Variants in RGS8 observed in about 807,000 individuals in gnomAD.
RGS8 encodes the protein regulator of G-protein signaling 8.
A neutral mutation model predicts 21.7 loss-of-function variants in RGS8; 8 were observed. The observed-to-expected ratio is 0.37, with a 90% confidence interval of 0.22 to 0.66. RGS8 has a LOEUF of 0.66. RGS8 is among the 30% of genes least tolerant of loss of function. The pLI, the probability that RGS8 is intolerant of heterozygous loss-of-function variation, is 0.59. For missense variants in RGS8, 157 were observed against 217.9 expected, an observed-to-expected ratio of 0.72 and a Z score of 1.76; for synonymous variants, 80 against 83.6, an observed-to-expected ratio of 0.96 and a Z score of 0.24.
the RGS8 span, among the ~76,000 whole-genome samples, chr1:182,741,004 T>C: frequency 3.9e-5 from 6 of 151,982 alleles, no homozygotes; most frequent in African/African-American, 1.2e-4. Context: ...TTTCCCCACC[T>C]TTCCCCCCTT....
At chr1:182,661,702 T>C (rs940495146) in intron 5 of RGS8, among the ~76,000 whole-genome samples, 4 of 152,172 alleles carry the variant, frequency 2.6e-5, no homozygotes, top group Non-Finnish European at 5.9e-5. Flanking sequence ...CATGATTTTA[T>C]GCCTGTTTCC....
chr1:182,732,272 T>TACACACAC, the RGS8 span, among the ~76,000 whole-genome samples: 1,306 of 132,560 alleles, frequency 9.9e-3, 11 homozygotes, highest in African/African-American at 0.019. Context: ...CTCTCTCTCA[T>TACACACAC]ACACACACAC....
intron 2 of RGS8, 93 bp downstream of exon 3, chr1:182,671,564 T>C (rs1286951406): frequency 7.5e-6 from 8 of 1,065,992 alleles, no homozygotes; most frequent in Non-Finnish European, 1.2e-5. Context: ...GCAATCAATA[T>C]GCATGAAGAG....
upstream of RGS8, among the ~76,000 whole-genome samples, chr1:182,688,803 A>C (rs1428467609): frequency 6.6e-6 from 1 of 152,220 alleles, no homozygotes; most frequent in East Asian, 1.9e-4. Flanking sequence ...AACCCAGCTG[A>C]AGTTCATCAA....
At chr1:182,646,997 T>G (rs1412001223) in intron 6 of RGS8, 80 bp from the exon 8 acceptor site, 1 of 1,185,066 alleles carries the variant, frequency 8.4e-7, no homozygotes, top group Non-Finnish European at 1.2e-6. Flanking sequence ...TATGCAATAA[T>G]TATGAATGAC....
At chr1:182,724,246 A>G in the RGS8 span, among the ~76,000 whole-genome samples, 2 of 107,118 alleles carry the variant, frequency 1.9e-5, no homozygotes, top group Non-Finnish European at 3.8e-5. Context: ...ATATATATAT[A>G]TCCTATTATT....
the RGS8 span, among the ~76,000 whole-genome samples, chr1:182,715,144 A>G: frequency 5.3e-5 from 8 of 152,346 alleles, no homozygotes; most frequent in South Asian, 1.4e-3. Flanking sequence ...TGGCTTACCC[A>G]TCAATAATAT....
chr1:182,741,010 C>T, the RGS8 span, among the ~76,000 whole-genome samples: 2 of 152,018 alleles, frequency 1.3e-5, no homozygotes, highest in Admixed American at 1.3e-4. Context: ...CACCTTTCCC[C>T]CCTTTCTATT....
chr1:182,751,980 C>T, the RGS8 span, among the ~76,000 whole-genome samples: 4 of 152,194 alleles, frequency 2.6e-5, no homozygotes, highest in Non-Finnish European at 5.9e-5. Flanking sequence ...ACAGGCGCCG[C>T]GGTTCCTATT....
the RGS8 span, among the ~76,000 whole-genome samples, chr1:182,737,400 C>A: frequency 3.3e-5 from 5 of 152,124 alleles, no homozygotes; most frequent in Non-Finnish European, 7.3e-5. Flanking sequence ...GAAATCTCAT[C>A]TCGAACTGTA....
the RGS8 span, among the ~76,000 whole-genome samples, chr1:182,703,883 T>A: frequency 2.0e-5 from 3 of 152,320 alleles, no homozygotes; most frequent in East Asian, 5.8e-4. Context: ...AACCACAAAT[T>A]TTATTATTCG....
chr1:182,747,450 G>A, the RGS8 span, among the ~76,000 whole-genome samples: 1 of 152,162 alleles, frequency 6.6e-6, no homozygotes, highest in African/African-American at 2.4e-5. Flanking sequence ...TGTAACATAA[G>A]GGGTAGAACT....
chr1:182,745,717 C>T, the RGS8 span, among the ~76,000 whole-genome samples: 5 of 152,264 alleles, frequency 3.3e-5, no homozygotes, highest in Admixed American at 1.3e-4. Context: ...AGTTAAACCA[C>T]GAACTAAGTT....
At chr1:182,739,648 G>A in the RGS8 span, among the ~76,000 whole-genome samples, 1 of 152,108 alleles carries the variant, frequency 6.6e-6, no homozygotes, top group African/African-American at 2.4e-5. Context: ...TAGCCTAGGG[G>A]GAATCGCCAT....
At chr1:182,648,760 T>C (rs903726301) in intron 5 of RGS8, among the ~76,000 whole-genome samples, 11 of 151,218 alleles carry the variant, frequency 7.3e-5, no homozygotes, top group African/African-American at 2.4e-4. Context: ...AAGACCCCAT[T>C]CTCTTAGACA....
chr1:182,672,874 C>T (rs370584410), upstream of RGS8: 2 of 1,613,206 alleles, frequency 1.2e-6, no homozygotes, highest in African/African-American at 2.7e-5. Context: ...TCTCTTCCTG[C>T]TTGCCCTAGT....
chr1:182,703,962 G>A, the RGS8 span, among the ~76,000 whole-genome samples: 1 of 152,158 alleles, frequency 6.6e-6, no homozygotes, highest in Non-Finnish European at 1.5e-5. Flanking sequence ...GAAATATAAA[G>A]TTGAAATGAA....
the RGS8 span, among the ~76,000 whole-genome samples, chr1:182,720,939 A>G: frequency 7.9e-6 from 1 of 126,952 alleles, no homozygotes; most frequent in African/African-American, 3.3e-5. Flanking sequence ...ATATATACAT[A>G]TATATACATA....
At chr1:182,702,408 G>A in the RGS8 span, among the ~76,000 whole-genome samples, 275 of 152,212 alleles carry the variant, frequency 1.8e-3, 1 homozygote, top group Non-Finnish European at 2.7e-3. Flanking sequence ...GGGGGGCAAC[G>A]GTTGAAAAAC....
Sources: gnomAD v4.1 joint callset for allele counts (sites outside exome capture counted in the v4.1 genomes callset) on GRCh38, gnomAD v4.1.1 for gene constraint, MANE v1.5 for transcripts, NCBI Gene and HGNC (gene_info 2026-07-23, HGNC 2026-07-21) for gene names.